The following ADGRB3 variants were observed in gnomAD, a reference collection of about 807,000 sequenced individuals.
ADGRB3 encodes the protein brain-specific angiogenesis inhibitor 3.
In ADGRB3, 37 loss-of-function variants were observed where a neutral mutation model predicts 193.4. The observed-to-expected ratio is 0.19, with a 90% CI of 0.15 to 0.25. ADGRB3 has a LOEUF of 0.25. ADGRB3 is among the 10% of genes least tolerant of loss of function. The pLI is 1.00. For missense variants in ADGRB3, 1,637 were observed against 1,852.9 expected, an observed-to-expected ratio of 0.88 and a Z score of 2.14; for synonymous variants, 690 against 644.2, an observed-to-expected ratio of 1.07 and a Z score of -1.08.
At chr6:68,689,608 A>C (rs1215288637) in intron 3 of ADGRB3, among the ~76,000 whole-genome samples, 1 of 152,140 alleles carries the variant, frequency 6.6e-6, no homozygotes, top group Non-Finnish European at 1.5e-5. Flanking sequence ...AAAGAGAGCA[A>C]AATTGACATA....
intron 3 of ADGRB3, among the ~76,000 whole-genome samples, chr6:68,753,828 T>C (rs1453265237): frequency 6.6e-6 from 1 of 152,138 alleles, no homozygotes; most frequent in Non-Finnish European, 1.5e-5. Context: ...ACCAATTTGG[T>C]TTGAGGTCCT....
chr6:68,998,657 G>A (rs1769465564), intron 11 of ADGRB3, among the ~76,000 whole-genome samples: 1 of 152,144 alleles, frequency 6.6e-6, no homozygotes, highest in Admixed American at 6.5e-5. Context: ...GCCTATATAT[G>A]ATACCCATTG....
Position 69,216,922 on chromosome 6 carries a change from C to T in ADGRB3, c.2481-16368C>T, listed in dbSNP as rs150494811. ...GAGATGAAGAGGGCACAGAGCTGCC[C>T]ACACAACTCTCACTCCTGAATGCTG... On this transcript the variant is annotated intron_variant, in intron 17 of 31. Coordinates refer to ENST00000370598, the MANE Select transcript of ADGRB3 (RefSeq NM_001704.3). Among the ~76,000 whole-genome samples, 364 of 152,308 alleles carry T rather than the reference C, an allele frequency of 2.4e-3. 1 individual carries two copies. Among genetic ancestry groups the T allele is most frequent in the Non-Finnish European group, 4.5e-3 (308 of 68,028 alleles).
At chr6:68,714,297 T>A (rs575357828) in intron 3 of ADGRB3, among the ~76,000 whole-genome samples, 4 of 151,936 alleles carry the variant, frequency 2.6e-5, no homozygotes, top group African/African-American at 9.6e-5. Flanking sequence ...AGCAACATTT[T>A]AGTTCCAAAA....
intron 17 of ADGRB3, among the ~76,000 whole-genome samples, chr6:69,198,826 C>T (rs185359479): frequency 6.6e-6 from 1 of 152,142 alleles, no homozygotes; most frequent in East Asian, 1.9e-4. Flanking sequence ...GGTGTGATTC[C>T]AGTACATATA....
chr6:68,658,329 ATCCCATGT>A (rs1178717544), intron 3 of ADGRB3, among the ~76,000 whole-genome samples: 1 of 151,308 alleles, frequency 6.6e-6, no homozygotes, highest in Non-Finnish European at 1.5e-5. Flanking sequence ...AACTTAGCTT[ATCCCATGT>A]TTTGTAACTA....
intron 11 of ADGRB3, among the ~76,000 whole-genome samples, chr6:68,997,571 T>C (rs1582381672): frequency 6.6e-6 from 1 of 151,300 alleles, no homozygotes; most frequent in Non-Finnish European, 1.5e-5. Context: ...CGGTATCTCT[T>C]GAACCCGGGA....
intron 16 of ADGRB3, among the ~76,000 whole-genome samples, chr6:69,069,747 A>AAGAAAG (rs200477031): frequency 8.7e-5 from 10 of 115,468 alleles, no homozygotes; most frequent in Non-Finnish European, 1.8e-4. Flanking sequence ...AAAAAAAAAA[A>AAGAAAG]AAAGAAAGAA....
At chr6:68,739,233 C>T (rs1011370338) in intron 3 of ADGRB3, among the ~76,000 whole-genome samples, 2 of 151,920 alleles carry the variant, frequency 1.3e-5, no homozygotes, top group East Asian at 1.9e-4. Flanking sequence ...AGAAAGGGAT[C>T]GGAAGCAATG....
intron 3 of ADGRB3, among the ~76,000 whole-genome samples, chr6:68,714,768 AT>A (rs2127318793): frequency 6.6e-6 from 1 of 151,968 alleles, no homozygotes; most frequent in South Asian, 2.1e-4. Flanking sequence ...TGCTAGTTTA[AT>A]ATAGTCAATG....
intron 17 of ADGRB3, among the ~76,000 whole-genome samples, chr6:69,186,017 T>C (rs1468094106): frequency 6.6e-6 from 1 of 152,036 alleles, no homozygotes; most frequent in African/African-American, 2.4e-5. Context: ...AGCATGCATG[T>C]GTGTGCATTT....
chr6:68,927,752 C>T (rs1299267569), intron 3 of ADGRB3, among the ~76,000 whole-genome samples: 1 of 151,848 alleles, frequency 6.6e-6, no homozygotes, highest in Non-Finnish European at 1.5e-5. Flanking sequence ...GTTGTTTTCC[C>T]ATCTGAAAAA....
intron 3 of ADGRB3, among the ~76,000 whole-genome samples, chr6:68,821,778 C>T (rs928356414): frequency 6.6e-6 from 1 of 151,758 alleles, no homozygotes; most frequent in East Asian, 1.9e-4. Flanking sequence ...AATTTATTTA[C>T]ACATTTCTTA....
chr6:69,015,089 GC>G (rs1445127886), intron 12 of ADGRB3, among the ~76,000 whole-genome samples: 1 of 151,692 alleles, frequency 6.6e-6, no homozygotes, highest in Admixed American at 6.6e-5. Flanking sequence ...TTTGTCCTTG[GC>G]TTTCTTCTAG....
chr6:69,149,351 C>T (rs1774600680), intron 17 of ADGRB3, among the ~76,000 whole-genome samples: 1 of 151,830 alleles, frequency 6.6e-6, no homozygotes, highest in South Asian at 2.1e-4. Flanking sequence ...TTTAGTATGT[C>T]AGTTGCATTT....
At chr6:69,290,550 T>G (rs1268313882) in intron 20 of ADGRB3, among the ~76,000 whole-genome samples, 1 of 152,136 alleles carries the variant, frequency 6.6e-6, no homozygotes, top group Admixed American at 6.5e-5. Flanking sequence ...CCAAATCAGT[T>G]TCTAAGTCTT....
At chr6:69,203,664 G>A (rs1765480593) in intron 17 of ADGRB3, among the ~76,000 whole-genome samples, 1 of 151,984 alleles carries the variant, frequency 6.6e-6, no homozygotes, top group Admixed American at 6.6e-5. Flanking sequence ...TCTGCTTCCT[G>A]CCTCACACAT....
At chr6:68,890,565 T>C (rs1184047397) in intron 3 of ADGRB3, among the ~76,000 whole-genome samples, 5 of 152,228 alleles carry the variant, frequency 3.3e-5, no homozygotes, top group Non-Finnish European at 4.4e-5. Context: ...TTTTACTTAA[T>C]TAAACACATA....
intron 10 of ADGRB3, among the ~76,000 whole-genome samples, chr6:68,980,444 T>C (rs185933846): frequency 6.6e-6 from 1 of 151,516 alleles, no homozygotes; most frequent in East Asian, 1.9e-4. Context: ...CTCCCTACTT[T>C]CTCTCAAGTT....
Sources: gnomAD v4.1 joint callset for allele counts (sites outside exome capture counted in the v4.1 genomes callset) on GRCh38, gnomAD v4.1.1 for gene constraint, MANE v1.5 for transcripts, NCBI Gene and HGNC (gene_info 2026-07-23, HGNC 2026-07-21) for gene names.